The following CADPS2 variants were observed in gnomAD, a reference collection of about 807,000 sequenced individuals.
CADPS2 encodes the protein calcium-dependent secretion activator 2.
Under a neutral mutation model 172.5 loss-of-function variants are expected in CADPS2, and 93 were observed. The ratio of observed to expected loss-of-function variants is 0.54; its 90% CI spans 0.46 to 0.64. CADPS2 has a LOEUF of 0.64. Among genes scored for constraint, CADPS2 ranks in the 30% least tolerant of loss-of-function variants. The pLI, the probability that CADPS2 is intolerant of heterozygous loss-of-function variation, is 0.00. For synonymous variants in CADPS2, 546 were observed against 555.2 expected (o/e 0.98, Z 0.23); for missense variants, 1,420 against 1,565.9 (o/e 0.91, Z 1.57).
At chr7:122,507,999 A>T (rs1489431232) in intron 9 of CADPS2, among the ~76,000 whole-genome samples, 2 of 152,190 alleles carry the variant, frequency 1.3e-5, no homozygotes, top group African/African-American at 4.8e-5. Context: ...GGGAATATTC[A>T]TTTATATAAC....
chr7:122,573,357 A>G (rs2067528658), intron 7 of CADPS2, among the ~76,000 whole-genome samples: 1 of 151,980 alleles, frequency 6.6e-6, no homozygotes, highest in Non-Finnish European at 1.5e-5. Flanking sequence ...GCCTCGAAAC[A>G]TTGTGAGACT....
At chr7:122,668,613 G>A (rs1016710826) in intron 2 of CADPS2, among the ~76,000 whole-genome samples, 2 of 152,122 alleles carry the variant, frequency 1.3e-5, no homozygotes, top group African/African-American at 2.4e-5. Flanking sequence ...CAAGATAAGA[G>A]AGATAGAGAC....
At chr7:122,769,201 G>A (rs766779489) in intron 1 of CADPS2, among the ~76,000 whole-genome samples, 5 of 152,170 alleles carry the variant, frequency 3.3e-5, no homozygotes, top group Non-Finnish European at 5.9e-5. Context: ...CTCTTAGTTT[G>A]TATTCTTTCA....
At chr7:122,559,132 G>A in intron 7 of CADPS2, among the ~76,000 whole-genome samples, 1 of 152,078 alleles carries the variant, frequency 6.6e-6, no homozygotes, top group South Asian at 2.1e-4. Context: ...AAAAAATCAT[G>A]ACAGCTTTCA....
intron 3 of CADPS2, among the ~76,000 whole-genome samples, chr7:122,650,317 CTTA>C (rs1470071090): frequency 6.6e-6 from 1 of 151,942 alleles, no homozygotes; most frequent in Non-Finnish European, 1.5e-5. Context: ...GATACAGTTG[CTTA>C]TTATGCTTGA....
At chr7:122,360,218 G>T (rs1365087771) in intron 27 of CADPS2, among the ~76,000 whole-genome samples, 4 of 152,092 alleles carry the variant, frequency 2.6e-5, no homozygotes, top group African/African-American at 9.7e-5. Flanking sequence ...CAACTTGTTG[G>T]TTATGTTTAC....
intron 1 of CADPS2, among the ~76,000 whole-genome samples, chr7:122,750,151 T>G (rs1448136050): frequency 1.3e-5 from 2 of 152,126 alleles, no homozygotes. Context: ...GAATGACTAT[T>G]GTATGCTACA....
At chr7:122,732,448 G>A (rs1489162846) in intron 2 of CADPS2, among the ~76,000 whole-genome samples, 1 of 149,316 alleles carries the variant, frequency 6.7e-6, no homozygotes, top group African/African-American at 2.4e-5. Context: ...AGCTGAGAGA[G>A]AAAAATAATA....
intron 11 of CADPS2, among the ~76,000 whole-genome samples, chr7:122,486,095 A>G (rs1315111152): frequency 2.6e-5 from 4 of 152,090 alleles, no homozygotes; most frequent in Non-Finnish European, 5.9e-5. Flanking sequence ...TCTGCTGGAG[A>G]TGTACAAGGA....
chr7:122,615,441 C>A, intron 5 of CADPS2, 142 bp from the exon 6 acceptor site: 1 of 480,608 alleles, frequency 2.1e-6, no homozygotes, highest in Non-Finnish European at 3.7e-6. Flanking sequence ...GGTATTTTAT[C>A]TTCTTTATAA....
chr7:122,345,083 C>A (rs2037367108), intron 28 of CADPS2, among the ~76,000 whole-genome samples: 1 of 151,832 alleles, frequency 6.6e-6, no homozygotes, highest in Admixed American at 6.6e-5. Context: ...ACAAATATAC[C>A]TTTGATGGTC....
intron 1 of CADPS2, among the ~76,000 whole-genome samples, chr7:122,757,512 T>G (rs2093214638): frequency 6.6e-6 from 1 of 152,110 alleles, no homozygotes; most frequent in Non-Finnish European, 1.5e-5. Context: ...GTAATGTTTC[T>G]GGTTGAGATT....
intron 14 of CADPS2, among the ~76,000 whole-genome samples, chr7:122,451,941 A>G (rs2053177001): frequency 6.6e-6 from 1 of 152,200 alleles, no homozygotes; most frequent in Non-Finnish European, 1.5e-5. Flanking sequence ...AATTTTTGAT[A>G]CATGTAGAAG....
chr7:122,390,984 T>C (rs1026049891), intron 22 of CADPS2, among the ~76,000 whole-genome samples: 2 of 152,026 alleles, frequency 1.3e-5, no homozygotes, highest in East Asian at 3.9e-4. Flanking sequence ...CGATGAGCAA[T>C]CCTTGCATGA....
At chr7:122,507,205 G>T (rs556847422) in intron 9 of CADPS2, among the ~76,000 whole-genome samples, 2 of 152,076 alleles carry the variant, frequency 1.3e-5, no homozygotes, top group African/African-American at 4.8e-5. Flanking sequence ...GGGTGGAAAA[G>T]GCACATTCGA....
At chr7:122,649,761 C>T (rs1408214601) in intron 3 of CADPS2, among the ~76,000 whole-genome samples, 1 of 152,062 alleles carries the variant, frequency 6.6e-6, no homozygotes, top group South Asian at 2.1e-4. Context: ...ACATCTATAC[C>T]ATTTATAAAA....
At chr7:122,516,722 G>C (rs1350910372) in intron 8 of CADPS2, among the ~76,000 whole-genome samples, 1 of 152,044 alleles carries the variant, frequency 6.6e-6, no homozygotes, top group Non-Finnish European at 1.5e-5. Flanking sequence ...TTTTAAAAAA[G>C]CAGTCATACA....
At chr7:122,322,552 T>G (rs1486989605) in intron 29 of CADPS2, among the ~76,000 whole-genome samples, 1 of 152,206 alleles carries the variant, frequency 6.6e-6, no homozygotes, top group Non-Finnish European at 1.5e-5. Context: ...ACTTTTTCTC[T>G]CCTAGCAAAA....
intron 2 of CADPS2, chr7:122,697,874 C>G (rs2085363424): frequency 6.2e-7 from 1 of 1,613,374 alleles, no homozygotes; most frequent in Non-Finnish European, 8.5e-7. Flanking sequence ...ACATGGATTA[C>G]TTTATCTGAG....
Sources: gnomAD v4.1 joint callset for allele counts (sites outside exome capture counted in the v4.1 genomes callset) on GRCh38, gnomAD v4.1.1 for gene constraint, MANE v1.5 for transcripts, NCBI Gene and HGNC (gene_info 2026-07-23, HGNC 2026-07-21) for gene names.